The following SLC6A11 variants were observed in gnomAD, a reference collection of about 807,000 sequenced individuals.
The protein encoded by SLC6A11 is solute carrier family 6 member 11.
In SLC6A11, 25 loss-of-function variants were observed where a neutral mutation model predicts 74.8. The observed-to-expected ratio is 0.33, with a 90% confidence interval of 0.24 to 0.47. SLC6A11 has a LOEUF of 0.47. SLC6A11 is among the 20% of genes least tolerant of loss of function. The pLI is 1.00. For synonymous variants in SLC6A11, 330 were observed against 330.2 expected, an observed-to-expected ratio of 1.00 and a Z score of 0.01; for missense variants, 574 against 837.0, an observed-to-expected ratio of 0.69 and a Z score of 3.88.
intron 5 of SLC6A11, among the ~76,000 whole-genome samples, chr3:10,859,210 GGA>G (rs1694674029): frequency 6.6e-6 from 1 of 152,172 alleles, no homozygotes; most frequent in African/African-American, 2.4e-5. Context: ...ACTTTGAGGT[GGA>G]GAGAGAGGAA....
chr3:10,845,134 T>C (rs568482746), intron 5 of SLC6A11, among the ~76,000 whole-genome samples: 1 of 152,340 alleles, frequency 6.6e-6, no homozygotes, highest in Admixed American at 6.5e-5. Context: ...GGGGAAGAAT[T>C]CGTTGACAAC....
intron 3 of SLC6A11, among the ~76,000 whole-genome samples, chr3:10,822,560 G>A (rs2106570861): frequency 6.6e-6 from 1 of 152,256 alleles, no homozygotes; most frequent in African/African-American, 2.4e-5. Context: ...TGCTTGGAGG[G>A]CCTTTGAATT....
Position 10,918,226 on chromosome 3 carries a change from T to C in SLC6A11, c.996-103T>C. On this transcript the variant is annotated intron_variant, in intron 7 of 13. Transcript: ENST00000254488. This position sits in a 1 kb window ranked among gnomAD's most constrained non-coding sequence, Gnocchi z 4.5. ...AGAGCTCCCTGTGCCTGCACTTCCC[T>C]GCCTGCCTCACAGGACAGCCATGGT... 1.5e-6 allele frequency: 2 copies of C among 1,345,414 alleles called. No homozygotes were observed. Among genetic ancestry groups the C allele is most frequent in the Non-Finnish European group, 2.0e-6 (2 of 1,016,498 alleles). The allele number at this position is 1,345,414 out of a possible 1,614,324, so 83.3% of individuals were successfully genotyped here. A position where few individuals can be genotyped will look rare whatever the true frequency, so the allele number is the denominator to read the frequency against.
At chr3:10,931,727 A>G (rs555598225) in intron 10 of SLC6A11, among the ~76,000 whole-genome samples, 1 of 151,930 alleles carries the variant, frequency 6.6e-6, no homozygotes, top group Admixed American at 6.5e-5. Flanking sequence ...TGGGGCCCAT[A>G]CTCCCCAGTT....
In SLC6A11 at chr3:10,934,061, G is replaced by T; in HGVS notation, c.1475-5G>T. On this transcript the variant is annotated splice_region_variant and splice_polypyrimidine_tract_variant and intron_variant, in intron 11 of 13. Transcript: ENST00000254488. ...GTATGTTCCCCTCTGATTTATTCCGGACAGGAAGCAACCGGTTCTATGATA... is the reference window on the plus strand; with the variant it reads ...GTATGTTCCCCTCTGATTTATTCCGTACAGGAAGCAACCGGTTCTATGATA... 6.2e-7 allele frequency: 1 copy of T among 1,609,034 alleles called. No individual in the cohort carries two copies. The highest frequency in any genetic ancestry group is 8.5e-7 in the Non-Finnish European group (1 of 1,175,456).
Position 10,926,094 on chromosome 3 carries a change from T to C in SLC6A11, c.1211T>C (p.Ile404Thr). Residue 404 changes from isoleucine (I) to threonine (T), a missense_variant, in exon 9 of 14, where the codon ATC (isoleucine) becomes ACC (threonine). Around this residue, in one of 4 missense-constraint regions of SLC6A11, gnomAD observed 257 missense variants for 341.5 expected, o/e 0.75. Transcript: ENST00000254488. The surrounding 1 kb of genome is among the most constrained non-coding windows in gnomAD (Gnocchi z 5.7). ...LWATLFFMML[I>T]FLGLDSQFVC... ...GCCACCTTGTTCTTCATGATGCTCA[T>C]CTTCCTGGGCCTGGACAGCCAGGTA... is the stretch of plus-strand genomic sequence containing the variant. 6.2e-7 allele frequency: 1 copy of C among 1,612,742 alleles called. No individual in the cohort carries two copies. The highest frequency in any genetic ancestry group is 8.5e-7 in the Non-Finnish European group (1 of 1,178,890).
chr3:10,887,478 C>T (rs576186464), intron 6 of SLC6A11, among the ~76,000 whole-genome samples: 1 of 152,166 alleles, frequency 6.6e-6, no homozygotes, highest in Non-Finnish European at 1.5e-5. Context: ...TGGAGTCTCA[C>T]TCTGTCACCC....
chr3:10,923,546 G>A (rs570672895), intron 8 of SLC6A11, among the ~76,000 whole-genome samples: 5 of 152,246 alleles, frequency 3.3e-5, no homozygotes, highest in African/African-American at 1.2e-4. Context: ...TGGTGTGAAA[G>A]GACAGCTATT....
chr3:10,890,755 G>T (rs533844893), intron 6 of SLC6A11, among the ~76,000 whole-genome samples: 4 of 152,246 alleles, frequency 2.6e-5, no homozygotes, highest in Non-Finnish European at 2.9e-5. Flanking sequence ...TTTTCTTCTT[G>T]TTGGAGTTAA....
At chr3:10,846,167 T>A (rs1449348995) in intron 5 of SLC6A11, among the ~76,000 whole-genome samples, 1 of 152,196 alleles carries the variant, frequency 6.6e-6, no homozygotes, top group Non-Finnish European at 1.5e-5. Context: ...TTTTTAAAAA[T>A]CTCATTATAA....
At chr3:10,817,937 T>C (rs912320725) in intron 1 of SLC6A11, among the ~76,000 whole-genome samples, 1 of 152,180 alleles carries the variant, frequency 6.6e-6, no homozygotes, top group African/African-American at 2.4e-5. Context: ...TGTGCACACC[T>C]AGGGTAGTCC....
At chr3:10,917,942 C>T (rs535386433) in intron 7 of SLC6A11, among the ~76,000 whole-genome samples, 1 of 152,364 alleles carries the variant, frequency 6.6e-6, no homozygotes, top group East Asian at 1.9e-4. Flanking sequence ...ATGGAGGCTT[C>T]TCCTGCCCTC....
chr3:10,839,628 A>C (rs1307116165), intron 4 of SLC6A11, among the ~76,000 whole-genome samples: 1 of 152,018 alleles, frequency 6.6e-6, no homozygotes, highest in Admixed American at 6.5e-5. Flanking sequence ...CCCCTTCTTC[A>C]GGTCTCCCAG....
intron 4 of SLC6A11, among the ~76,000 whole-genome samples, chr3:10,833,974 AG>A (rs1694332837): frequency 6.6e-6 from 1 of 152,232 alleles, no homozygotes; most frequent in Admixed American, 6.5e-5. Context: ...AGTAGAGAAA[AG>A]GAAGTCACAT....
At chr3:10,821,350 T>C (rs900793572) in intron 3 of SLC6A11, among the ~76,000 whole-genome samples, 1 of 152,148 alleles carries the variant, frequency 6.6e-6, no homozygotes, top group Non-Finnish European at 1.5e-5. Context: ...TCATGGCAAA[T>C]AGAATGATGA....
chr3:10,854,679 A>G (rs993246749), intron 5 of SLC6A11, among the ~76,000 whole-genome samples: 4 of 152,222 alleles, frequency 2.6e-5, no homozygotes, highest in Admixed American at 2.0e-4. Flanking sequence ...ACAGTAAGTA[A>G]TAGAGCCAAG....
intron 5 of SLC6A11, among the ~76,000 whole-genome samples, chr3:10,872,789 C>T (rs1402646332): frequency 1.3e-5 from 2 of 152,202 alleles, no homozygotes; most frequent in South Asian, 2.1e-4. Flanking sequence ...TGAACAGGAG[C>T]GAGAGGCTAA....
At chr3:10,831,506 C>T (rs1011638323) in intron 4 of SLC6A11, among the ~76,000 whole-genome samples, 1 of 151,952 alleles carries the variant, frequency 6.6e-6, no homozygotes, top group African/African-American at 2.4e-5. Flanking sequence ...TATATGATAT[C>T]GTATGTAATA....
chr3:10,893,460 G>A (rs559602227), intron 6 of SLC6A11, among the ~76,000 whole-genome samples: 2 of 152,256 alleles, frequency 1.3e-5, no homozygotes, highest in East Asian at 3.9e-4. Flanking sequence ...TTGAGGGGAC[G>A]TCAAGGAGGA....
Sources: gnomAD v4.1 joint callset for allele counts (sites outside exome capture counted in the v4.1 genomes callset) on GRCh38, gnomAD v4.1.1 for gene constraint, gnomAD v4.1.1 regional missense constraint, Gnocchi (gnomAD v3.1) non-coding constraint, MANE v1.5 for transcripts, NCBI Gene and HGNC (gene_info 2026-07-23, HGNC 2026-07-21) for gene names.